CCDC178: variants seen among roughly 807,000 people sequenced by gnomAD.
The protein encoded by CCDC178 is coiled-coil domain-containing protein 178.
In CCDC178, 126 loss-of-function variants were observed where a neutral mutation model predicts 117.4. The observed-to-expected ratio is 1.07, with a 90% CI of 0.93 to 1.24. The LOEUF (loss-of-function observed/expected upper bound fraction) is 1.24, where lower values mean the gene tolerates loss of function less well. Among genes scored for constraint, CCDC178 ranks in the 50% most tolerant of loss-of-function variants. The pLI is 0.00. For missense variants in CCDC178, 1,030 were observed against 986.9 expected, an observed-to-expected ratio of 1.04 and a Z score of -0.59; for synonymous variants, 283 against 313.4, an observed-to-expected ratio of 0.90 and a Z score of 1.02.
At chr18:32,964,047 G>A (rs1450249967) in intron 22 of CCDC178, among the ~76,000 whole-genome samples, 2 of 151,974 alleles carry the variant, frequency 1.3e-5, no homozygotes, top group African/African-American at 2.4e-5. Flanking sequence ...TGGAATTGTA[G>A]AGGCATTTGA....
chr18:33,298,165 C>T (rs536624175), intron 11 of CCDC178, among the ~76,000 whole-genome samples: 2 of 151,902 alleles, frequency 1.3e-5, no homozygotes, highest in South Asian at 4.1e-4. Flanking sequence ...TAGACAGGGA[C>T]ACAACAAGAA....
chr18:33,011,774 A>AT lies in CCDC178; in HGVS notation c.2389-37094_2389-37093insA, dbSNP rs1309301802. On this transcript the variant is annotated intron_variant, in intron 21 of 22. Transcript: ENST00000383096. ...AAATGATTGAGCAGAATGCAAAAAA[A>AT]AAAAAAAAAAAAAAAAAAAAAAAAA... Among the ~76,000 whole-genome samples, 358 of 97,932 alleles carry AT rather than the reference A, an allele frequency of 3.7e-3. 4 individuals are homozygous for AT. Among genetic ancestry groups the AT allele is most frequent in the African/African-American group, 0.015 (326 of 21,174 alleles). The allele number at this position is 97,932 out of a possible 152,430, so 64.2% of individuals were successfully genotyped here.
intron 21 of CCDC178, among the ~76,000 whole-genome samples, chr18:32,980,426 C>T (rs1037810324): frequency 8.6e-5 from 13 of 151,858 alleles, no homozygotes; most frequent in Non-Finnish European, 1.8e-4. Flanking sequence ...AAAAAATTAG[C>T]CGGGCGCAGT....
At chr18:33,304,854 G>T (rs927915894) in intron 11 of CCDC178, among the ~76,000 whole-genome samples, 2 of 152,102 alleles carry the variant, frequency 1.3e-5, no homozygotes, top group Non-Finnish European at 2.9e-5. Flanking sequence ...AGGATAAAAA[G>T]GAAGGCAGCG....
intron 22 of CCDC178, among the ~76,000 whole-genome samples, chr18:32,967,930 T>C (rs971184647): frequency 5.3e-5 from 8 of 151,712 alleles, no homozygotes; most frequent in African/African-American, 1.9e-4. Context: ...GACATTTCAA[T>C]ACCTGCATAC....
At chr18:33,086,460 CGAGA>C (rs2057380425) in intron 21 of CCDC178, among the ~76,000 whole-genome samples, 1 of 141,068 alleles carries the variant, frequency 7.1e-6, no homozygotes, top group African/African-American at 2.7e-5. Flanking sequence ...ATATATATAG[CGAGA>C]AAGAGAGAGA....
chr18:33,125,203 C>T (rs981524117), intron 20 of CCDC178, among the ~76,000 whole-genome samples: 2 of 152,186 alleles, frequency 1.3e-5, no homozygotes, highest in Admixed American at 1.3e-4. Flanking sequence ...CTGGATTTTG[C>T]ATAATATAAT....
rs74937728 is a variant in CCDC178, at chr18:32,994,701, C to T, written c.2389-20020G>A. ...TAGAAATTATGAGTTAGCAACTAGG[C>T]AAATAGGTTTTGTCTCAAGTGCCAA... On this transcript the variant is annotated intron_variant, in intron 21 of 22. Coordinates refer to ENST00000383096, the MANE Select transcript of CCDC178 (RefSeq NM_001105528.4). Among the ~76,000 whole-genome samples, 1,411 of 152,174 alleles carry T rather than the reference C, an allele frequency of 9.3e-3. 22 individuals carry two copies. Among genetic ancestry groups the T allele is most frequent in the African/African-American group, 0.033 (1,356 of 41,520 alleles).
intron 20 of CCDC178, among the ~76,000 whole-genome samples, chr18:33,142,546 A>C (rs556360767): frequency 6.4e-4 from 98 of 152,308 alleles, no homozygotes; most frequent in African/African-American, 2.3e-3. Context: ...AATCCAGTTA[A>C]GAGTTTGATT....
intron 15 of CCDC178, among the ~76,000 whole-genome samples, chr18:33,236,147 G>C (rs1003078394): frequency 2.0e-5 from 3 of 152,152 alleles, no homozygotes; most frequent in Non-Finnish European, 4.4e-5. Flanking sequence ...AGCTACCCTA[G>C]AAGTGATATT....
intron 21 of CCDC178, among the ~76,000 whole-genome samples, chr18:33,019,392 C>T (rs1033922694): frequency 2.0e-5 from 3 of 152,096 alleles, no homozygotes; most frequent in African/African-American, 7.2e-5. Context: ...ATGGAAAACC[C>T]AGTTGAAGAA....
chr18:33,030,298 T>C (rs1169622648), intron 21 of CCDC178, among the ~76,000 whole-genome samples: 1 of 152,110 alleles, frequency 6.6e-6, no homozygotes, highest in African/African-American at 2.4e-5. Context: ...TTTGTTGCTG[T>C]TGTATAATAC....
At chr18:33,251,764 T>C (rs1369535625) in intron 14 of CCDC178, among the ~76,000 whole-genome samples, 1 of 151,672 alleles carries the variant, frequency 6.6e-6, no homozygotes, top group Non-Finnish European at 1.5e-5. Flanking sequence ...ACTGCCCCCA[T>C]ATACTATAAC....
intron 21 of CCDC178, among the ~76,000 whole-genome samples, chr18:33,085,421 G>T (rs534414837): frequency 5.3e-5 from 8 of 152,100 alleles, no homozygotes; most frequent in Non-Finnish European, 1.0e-4. Context: ...AAATTAGCCA[G>T]GTGTGGTGGC....
intron 15 of CCDC178, among the ~76,000 whole-genome samples, chr18:33,242,413 T>G (rs2059498738): frequency 6.6e-6 from 1 of 151,762 alleles, no homozygotes; most frequent in Admixed American, 6.6e-5. Flanking sequence ...TTACATTATA[T>G]TTAACTAAAA....
At chr18:33,401,670 G>C (rs969637206) in intron 3 of CCDC178, among the ~76,000 whole-genome samples, 2 of 151,836 alleles carry the variant, frequency 1.3e-5, no homozygotes, top group African/African-American at 4.8e-5. Flanking sequence ...CATGCGTTTA[G>C]ATTTAATAAT....
At chr18:33,186,661 G>A (rs747032966) in intron 20 of CCDC178, among the ~76,000 whole-genome samples, 4 of 151,898 alleles carry the variant, frequency 2.6e-5, no homozygotes, top group African/African-American at 4.8e-5. Flanking sequence ...TTCTTTCAGC[G>A]CATCCTCGTG....
chr18:32,972,960 G>A (rs555227217), intron 22 of CCDC178, among the ~76,000 whole-genome samples: 52 of 152,136 alleles, frequency 3.4e-4, no homozygotes, highest in African/African-American at 1.2e-3. Context: ...TGCTGCTCAC[G>A]TTCCCCAAAT....
chr18:33,122,994 T>C (rs764799887), intron 20 of CCDC178, among the ~76,000 whole-genome samples: 32 of 152,066 alleles, frequency 2.1e-4, no homozygotes, highest in Non-Finnish European at 3.4e-4. Context: ...TTCAACGAAG[T>C]CAGATGCTTG....
Sources: allele counts gnomAD v4.1 joint callset (sites outside exome capture counted in the v4.1 genomes callset), GRCh38; gene constraint gnomAD v4.1.1; transcripts MANE v1.5; gene names NCBI Gene and HGNC (gene_info 2026-07-23, HGNC 2026-07-21).